Variants in TNS3 observed in about 807,000 individuals in gnomAD.
The protein encoded by TNS3 is tensin 3.
A neutral mutation model predicts 140.9 loss-of-function variants in TNS3; 45 were observed. The ratio of observed to expected loss-of-function variants is 0.32; its 90% CI spans 0.25 to 0.41. TNS3 has a LOEUF of 0.41. TNS3 is among the 10% of genes least tolerant of loss of function. TNS3 has a pLI of 1.00. For synonymous variants in TNS3, 815 were observed against 788.4 expected, an observed-to-expected ratio of 1.03 and a Z score of -0.56; for missense variants, 1,716 against 1,906.7, an observed-to-expected ratio of 0.90 and a Z score of 1.86.
At chr7:47,376,470 G>A (rs769000015) in intron 16 of TNS3, among the ~76,000 whole-genome samples, 2 of 152,104 alleles carry the variant, frequency 1.3e-5, no homozygotes, top group South Asian at 2.1e-4. Flanking sequence ...CCTCCCATGC[G>A]CCCAGCACAC....
chr7:47,458,272 C>T (rs939392466), intron 4 of TNS3, among the ~76,000 whole-genome samples: 3 of 152,240 alleles, frequency 2.0e-5, no homozygotes, highest in African/African-American at 7.2e-5. Flanking sequence ...CCCACACACA[C>T]ACGCCATGGG....
chr7:47,407,448 C>A lies in TNS3; in HGVS notation c.723+4279G>T, dbSNP rs566835077. 6.6e-6 allele frequency among the ~76,000 whole-genome samples: 1 copy of A among 152,338 alleles called. No individual in the cohort carries two copies. Among genetic ancestry groups the A allele is most frequent in the Non-Finnish European group, 1.5e-5 (1 of 68,030 alleles). On this transcript the variant is annotated intron_variant, in intron 13 of 30. Transcript: ENST00000311160. The surrounding 1 kb of genome is among the most constrained non-coding windows in gnomAD (Gnocchi z 4.1). ...CACTCACGTGTCCACCGCATCTTCT[C>A]ATGCAGGCCGCACGCTGAACGTGCT...
chr7:47,555,015 A>C (rs932161915), intron 1 of TNS3, among the ~76,000 whole-genome samples: 26 of 151,592 alleles, frequency 1.7e-4, no homozygotes, highest in African/African-American at 6.3e-4. Context: ...CAACAGAGCG[A>C]GACTCTGTCT....
chr7:47,322,214 A>C (rs1787776756), intron 20 of TNS3, among the ~76,000 whole-genome samples: 1 of 100,314 alleles, frequency 1.0e-5, no homozygotes, highest in Non-Finnish European at 2.0e-5. Context: ...TAGAACGGGC[A>C]AAAAAAAAAA....
chr7:47,300,826 C>G (rs1786358071), intron 23 of TNS3, among the ~76,000 whole-genome samples: 1 of 152,220 alleles, frequency 6.6e-6, no homozygotes. Flanking sequence ...AACAGGCACA[C>G]AGCATCCGGC....
At chr7:47,327,288 G>C (rs1215483407) in intron 20 of TNS3, among the ~76,000 whole-genome samples, 2 of 152,202 alleles carry the variant, frequency 1.3e-5, no homozygotes. Context: ...TTTTTTCAAT[G>C]ACATGAACTC....
At chr7:47,380,242 C>T (rs1791670487) in intron 16 of TNS3, among the ~76,000 whole-genome samples, 1 of 152,246 alleles carries the variant, frequency 6.6e-6, no homozygotes, top group Admixed American at 6.5e-5. Context: ...ACCTCTCACA[C>T]CAGCACGCCG....
intron 4 of TNS3, among the ~76,000 whole-genome samples, chr7:47,464,001 G>A (rs987624554): frequency 7.2e-5 from 11 of 152,144 alleles, no homozygotes; most frequent in Non-Finnish European, 1.3e-4. Flanking sequence ...TAAAAGGGCC[G>A]TAATCACAGC....
At chr7:47,417,961 T>C (rs1041918897) in intron 10 of TNS3, among the ~76,000 whole-genome samples, 1 of 152,160 alleles carries the variant, frequency 6.6e-6, no homozygotes, top group African/African-American at 2.4e-5. Context: ...AGAACCACCA[T>C]CAGTACCAAA....
At chr7:47,363,284 CCATCATCACCATCACCAT>C (rs1395344255) in intron 17 of TNS3, among the ~76,000 whole-genome samples, 5 of 149,954 alleles carry the variant, frequency 3.3e-5, no homozygotes, top group Non-Finnish European at 7.4e-5. Flanking sequence ...ACAGTCATTA[CCATCATCACCATCACCAT>C]CATCATCACC....
At chr7:47,550,120 G>A (rs1800024638) in intron 1 of TNS3, among the ~76,000 whole-genome samples, 1 of 151,124 alleles carries the variant, frequency 6.6e-6, no homozygotes, top group Non-Finnish European at 1.5e-5. Flanking sequence ...AAGGTCTTCT[G>A]GCCCCAGGCC....
intron 1 of TNS3, among the ~76,000 whole-genome samples, chr7:47,564,655 A>AAAAAAAAAAAAAAAAAAG (rs1800391574): frequency 6.7e-6 from 1 of 148,438 alleles, no homozygotes; most frequent in Non-Finnish European, 1.5e-5. Context: ...AAAAACAAAA[A>AAAAAAAAAAAAAAAAAAG]AAAACAAAAA....
chr7:47,327,640 T>A (rs1584408516), intron 20 of TNS3, among the ~76,000 whole-genome samples: 1 of 152,346 alleles, frequency 6.6e-6, no homozygotes, highest in East Asian at 1.9e-4. Flanking sequence ...TGAGTGAATC[T>A]CAGCAAAGAC....
intron 17 of TNS3, among the ~76,000 whole-genome samples, chr7:47,363,063 TCATC>T (rs1342662044): frequency 5.4e-3 from 404 of 74,812 alleles, no homozygotes; most frequent in African/African-American, 7.4e-3. Flanking sequence ...ATCACCGTCA[TCATC>T]CACCATCACC....
intron 3 of TNS3, among the ~76,000 whole-genome samples, chr7:47,494,566 A>AG (rs946146284): frequency 5.3e-4 from 80 of 152,264 alleles, no homozygotes; most frequent in African/African-American, 1.8e-3. Context: ...GTGATAAGGG[A>AG]GGGTTAACAG....
At chr7:47,549,622 G>A (rs1301462896) in intron 1 of TNS3, among the ~76,000 whole-genome samples, 6 of 152,168 alleles carry the variant, frequency 3.9e-5, no homozygotes, top group South Asian at 2.1e-4. Flanking sequence ...CCTTACAAAC[G>A]GGCTCACTTC....
chr7:47,470,780 C>CA (rs1017014574), intron 4 of TNS3: 18 of 339,058 alleles, frequency 5.3e-5, no homozygotes, highest in African/African-American at 3.6e-4. Flanking sequence ...TGTAAGCTGA[C>CA]ACCAGGGTTA....
At chr7:47,291,051 T>A (rs1325541478) in intron 27 of TNS3, among the ~76,000 whole-genome samples, 5 of 152,044 alleles carry the variant, frequency 3.3e-5, no homozygotes, top group Non-Finnish European at 7.4e-5. Context: ...CTTAAATGCA[T>A]ATGACTAAGT....
chr7:47,510,023 T>TTC (rs1258165237), intron 2 of TNS3, among the ~76,000 whole-genome samples: 5 of 152,160 alleles, frequency 3.3e-5, no homozygotes, highest in Non-Finnish European at 5.9e-5. Context: ...ACTGCATGCG[T>TTC]ATTGCCAAAT....
Sources: gnomAD v4.1 joint callset for allele counts (sites outside exome capture counted in the v4.1 genomes callset) on GRCh38, gnomAD v4.1.1 for gene constraint, Gnocchi (gnomAD v3.1) non-coding constraint, MANE v1.5 for transcripts, NCBI Gene and HGNC (gene_info 2026-07-23, HGNC 2026-07-21) for gene names.